Variants in OTOA observed in about 807,000 individuals in gnomAD.
OTOA encodes the protein cancer/testis antigen 108.
A neutral mutation model predicts 110.8 loss-of-function variants in OTOA; 70 were observed. That is an observed-to-expected ratio of 0.63 (90% CI 0.52 to 0.77). The LOEUF is 0.77. Ranked by LOEUF, OTOA falls within the 30% of genes least tolerant of loss-of-function variation. OTOA has a pLI of 0.00. For synonymous variants in OTOA, 373 were observed against 431.5 expected (o/e 0.86, Z 1.68); for missense variants, 917 against 1,075.8 (o/e 0.85, Z 2.06).
rs560145208 is a variant in OTOA, at chr16:21,760,550, G to A, written c.*10G>A. On this transcript the variant is annotated 3_prime_UTR_variant, in exon 29 of 29. Coordinates refer to ENST00000646100, the MANE Select transcript of OTOA (RefSeq NM_144672.4). Reference sequence around the variant, plus strand: ...CAAGCTCCTGTGGTGAGTGGCCTGAGCGCATCGTCCTGTGTTGCCCCAAGC... The same window carrying A: ...CAAGCTCCTGTGGTGAGTGGCCTGAACGCATCGTCCTGTGTTGCCCCAAGC... 1.0e-4 allele frequency: 161 copies of A among 1,605,138 alleles called. 1 individual carries two copies. Among genetic ancestry groups the A allele is most frequent in the Non-Finnish European group, 1.3e-4 (156 of 1,176,530 alleles).
At chr16:21,676,621 G>T (rs922774139) in intron 1 of OTOA, among the ~76,000 whole-genome samples, 1 of 152,176 alleles carries the variant, frequency 6.6e-6, no homozygotes, top group African/African-American at 2.4e-5. Flanking sequence ...GCCTCAGGAG[G>T]TTTCTTACAT....
chr16:21,681,889 C>A, intron 6 of OTOA, 64 bp downstream of exon 6: 1 of 1,485,646 alleles, frequency 6.7e-7, no homozygotes, highest in Non-Finnish European at 9.4e-7. Flanking sequence ...AACTCAGGGG[C>A]CAGGTAAGTT....
At chr16:21,717,481 C>T (rs1898594415) in intron 15 of OTOA, among the ~76,000 whole-genome samples, 3 of 152,106 alleles carry the variant, frequency 2.0e-5, no homozygotes, top group Admixed American at 2.0e-4. Context: ...TGAATTCTGG[C>T]TCCCACTTAT....
chr16:21,693,831 C>T (rs1439085105), intron 9 of OTOA, among the ~76,000 whole-genome samples: 1 of 152,166 alleles, frequency 6.6e-6, no homozygotes, highest in African/African-American at 2.4e-5. Flanking sequence ...CTGGCTTGGC[C>T]TCCCAAAGTG....
Position 21,701,033 on chromosome 16 carries a change from C to T in OTOA, c.980+6C>T, listed in dbSNP as rs373103963. The T allele has an allele frequency of 1.2e-5, 20 of 1,614,038 alleles. No individual in the cohort carries two copies. The highest frequency in any genetic ancestry group is 6.7e-5 in the African/African-American group (5 of 74,930). ...AATACCTCCACCATCCACAGGCAAG[C>T]GCATGAGCTCTGGGCCTTGGAGCCC... On this transcript the variant is annotated splice_donor_region_variant and intron_variant, in intron 11 of 28. Coordinates refer to ENST00000646100, the MANE Select transcript of OTOA (RefSeq NM_144672.4).
intron 5 of OTOA, among the ~76,000 whole-genome samples, chr16:21,679,439 T>A (rs1966872371): frequency 6.6e-6 from 1 of 152,104 alleles, no homozygotes; most frequent in Non-Finnish European, 1.5e-5. Flanking sequence ...TTCGCTCTTG[T>A]TGCCCAGGAT....
chr16:21,683,379 G>T (rs1966931464), intron 6 of OTOA, among the ~76,000 whole-genome samples: 1 of 152,132 alleles, frequency 6.6e-6, no homozygotes, highest in African/African-American at 2.4e-5. Flanking sequence ...CAGAAGAAAT[G>T]TTGCTGATTT....
chr16:21,720,896 C>CATCATTATTATTATT (rs531333334), intron 17 of OTOA, among the ~76,000 whole-genome samples: 3 of 147,190 alleles, frequency 2.0e-5, no homozygotes, highest in Non-Finnish European at 4.5e-5. Context: ...TACTAAAACA[C>CATCATTATTATTATT]ATTATTATTA....
intron 7 of OTOA, 83 bp from the exon 8 acceptor site, chr16:21,687,330 C>T (rs1015812393): frequency 9.2e-7 from 1 of 1,088,870 alleles, no homozygotes; most frequent in Non-Finnish European, 1.4e-6. Context: ...ACTTTCCCCA[C>T]TGTTGCAATG....
At chr16:21,696,005 C>T (rs1897933009) in intron 9 of OTOA, among the ~76,000 whole-genome samples, 1 of 148,312 alleles carries the variant, frequency 6.7e-6, no homozygotes, top group Non-Finnish European at 1.5e-5. Flanking sequence ...AGTGATTCTC[C>T]TGCCTCAGCT....
chr16:21,676,520 T>C (rs1264937847), intron 1 of OTOA, among the ~76,000 whole-genome samples: 3 of 152,050 alleles, frequency 2.0e-5, no homozygotes, highest in African/African-American at 7.2e-5. Flanking sequence ...CCCAATGTGT[T>C]TGGAGGTTTT....
At chr16:21,716,016 C>T (rs981521810) in intron 14 of OTOA, among the ~76,000 whole-genome samples, 5 of 151,904 alleles carry the variant, frequency 3.3e-5, no homozygotes, top group African/African-American at 1.2e-4. Context: ...CTCAAGGGAT[C>T]CTCCCACCTC....
At chr16:21,709,843 G>A (rs368777415) in intron 12 of OTOA, 45 bp from the exon 13 acceptor site, 9 of 1,534,208 alleles carry the variant, frequency 5.9e-6, no homozygotes, top group South Asian at 3.4e-5. Context: ...GGGAGCCACC[G>A]CCCTGCTTCC....
At chr16:21,680,006 A>G (rs1966876190) in intron 5 of OTOA, among the ~76,000 whole-genome samples, 1 of 152,108 alleles carries the variant, frequency 6.6e-6, no homozygotes, top group Non-Finnish European at 1.5e-5. Flanking sequence ...TTAATAAACA[A>G]TTCTAATATG....
At chr16:21,673,893 G>A (rs933112294) in intron 1 of OTOA, among the ~76,000 whole-genome samples, 1 of 152,126 alleles carries the variant, frequency 6.6e-6, no homozygotes, top group Admixed American at 6.5e-5. Flanking sequence ...TGTCTCCTGG[G>A]TTCATGCCAT....
chr16:21,732,413 G>A (rs1899145030), intron 21 of OTOA, among the ~76,000 whole-genome samples: 1 of 151,992 alleles, frequency 6.6e-6, no homozygotes, highest in African/African-American at 2.4e-5. Context: ...GTGGTGATTT[G>A]TGAGATTTTG....
At chr16:21,732,408 G>A (rs1899144822) in intron 21 of OTOA, among the ~76,000 whole-genome samples, 1 of 152,056 alleles carries the variant, frequency 6.6e-6, no homozygotes, top group Non-Finnish European at 1.5e-5. Flanking sequence ...CTTTAGTGGT[G>A]ATTTGTGAGA....
At chr16:21,696,533 G>T (rs1897944153) in intron 9 of OTOA, among the ~76,000 whole-genome samples, 1 of 152,002 alleles carries the variant, frequency 6.6e-6, no homozygotes, top group Non-Finnish European at 1.5e-5. Flanking sequence ...TGGTAGTGAT[G>T]CAAGACAGTC....
intron 17 of OTOA, among the ~76,000 whole-genome samples, chr16:21,720,581 G>A (rs1320760388): frequency 6.6e-6 from 1 of 152,158 alleles, no homozygotes; most frequent in Non-Finnish European, 1.5e-5. Context: ...TGTGTGGAAG[G>A]CTGTAAAAAC....
Sources: allele counts gnomAD v4.1 joint callset (sites outside exome capture counted in the v4.1 genomes callset), GRCh38; gene constraint gnomAD v4.1.1; transcripts MANE v1.5; gene names NCBI Gene and HGNC (gene_info 2026-07-23, HGNC 2026-07-21).